Variants in STAC observed in about 807,000 individuals in gnomAD.
The protein encoded by STAC is SH3 and cysteine rich domain.
Under a neutral mutation model 48.8 loss-of-function variants are expected in STAC, and 43 were observed. The observed-to-expected ratio is 0.88, with a 90% CI of 0.69 to 1.14. The LOEUF is 1.14. Among genes scored for constraint, STAC ranks in the 50% most tolerant of loss-of-function variants. STAC has a pLI of 0.00. For missense variants in STAC, 497 were observed against 504.0 expected (o/e 0.99, Z 0.13); for synonymous variants, 193 against 179.5 (o/e 1.07, Z -0.60).
chr3:36,394,098 G>A (rs1699806183), intron 1 of STAC, among the ~76,000 whole-genome samples: 1 of 152,080 alleles, frequency 6.6e-6, no homozygotes, highest in Non-Finnish European at 1.5e-5. Flanking sequence ...CAGGAGGTGA[G>A]TACAGACACC....
Position 36,463,510 on chromosome 3 carries a change from C to CT in STAC, c.389-19471dup, listed in dbSNP as rs11288570. ...TTTTTAATTTTTTTTGGTAGTTTTT[C>CT]TTTTTTTTTTTAATTATACTTTAAG... On this transcript the variant is annotated intron_variant, in intron 2 of 10. Transcript: ENST00000273183. 5.7e-4 allele frequency among the ~76,000 whole-genome samples: 82 copies of CT among 144,796 alleles called. No homozygotes were observed. In the Middle Eastern group the frequency reaches 0.01, roughly 18 times the overall value. 95.0% of individuals were successfully genotyped at this position (144,796 alleles called of 152,430 possible).
At chr3:36,446,410 G>A (rs1696510400) in intron 2 of STAC, among the ~76,000 whole-genome samples, 1 of 152,194 alleles carries the variant, frequency 6.6e-6, no homozygotes, top group African/African-American at 2.4e-5. Flanking sequence ...CTTCTGAGCT[G>A]TCTCTTGTAC....
chr3:36,504,242 C>G, intron 6 of STAC, 151 bp from the exon 7 acceptor site: 1 of 671,954 alleles, frequency 1.5e-6, no homozygotes, highest in South Asian at 2.0e-5. Context: ...TGGAAGACCA[C>G]CTGAACGCTG....
At chr3:36,511,092 G>A (rs1698527301) in intron 8 of STAC, among the ~76,000 whole-genome samples, 3 of 151,822 alleles carry the variant, frequency 2.0e-5, no homozygotes, top group Admixed American at 2.0e-4. Context: ...GGTGAGCCTT[G>A]TGACCTTCTC....
intron 2 of STAC, among the ~76,000 whole-genome samples, chr3:36,453,387 G>A (rs988485487): frequency 6.6e-6 from 1 of 152,226 alleles, no homozygotes; most frequent in Non-Finnish European, 1.5e-5. Flanking sequence ...CGGTGCTTGC[G>A]GGCCAGCGTG....
chr3:36,521,959 T>C (rs894206057), intron 8 of STAC, among the ~76,000 whole-genome samples: 18 of 152,034 alleles, frequency 1.2e-4, no homozygotes, highest in African/African-American at 4.3e-4. Flanking sequence ...AGTGGTGTCA[T>C]GTACCTGTAG....
chr3:36,513,075 G>A (rs1156254673), intron 8 of STAC, among the ~76,000 whole-genome samples: 1 of 152,166 alleles, frequency 6.6e-6, no homozygotes, highest in Non-Finnish European at 1.5e-5. Flanking sequence ...TTAGGAGTGT[G>A]AGCTTGAAGA....
intron 2 of STAC, among the ~76,000 whole-genome samples, chr3:36,467,809 G>A (rs1697219763): frequency 6.6e-6 from 1 of 151,718 alleles, no homozygotes; most frequent in Non-Finnish European, 1.5e-5. Flanking sequence ...TTTACCTTTT[G>A]TATTGTTTTG....
At chr3:36,404,992 C>T (rs1477055436) in intron 1 of STAC, among the ~76,000 whole-genome samples, 1 of 152,114 alleles carries the variant, frequency 6.6e-6, no homozygotes, top group Non-Finnish European at 1.5e-5. Flanking sequence ...AACCACATTA[C>T]TTTTGTGCCA....
rs2125732457 is a variant in STAC at position 36,528,906 on chromosome 3, A to G, written c.1031A>G (p.Gln344Arg). The G allele has an allele frequency of 6.2e-7, 1 of 1,613,868 alleles. No individual in the cohort carries two copies. The highest frequency in any genetic ancestry group is 8.5e-7 in the Non-Finnish European group (1 of 1,179,872). Residue 344 changes from glutamine to arginine, a missense_variant, in exon 10 of 11, where the codon CAA (glutamine) becomes CGA (arginine). By Grantham distance (43) the Gln-to-Arg change is conservative. Transcript: ENST00000273183. ...FPANFVQRLQ[Q>R]NEKIFRCVRT... ...GCCAACTTTGTTCAGAGACTACAACAAAATGAGAAGATTTTTAGATGTGTT... is the reference window on the plus strand; with the variant it reads ...GCCAACTTTGTTCAGAGACTACAACGAAATGAGAAGATTTTTAGATGTGTT...
chr3:36,530,791 T>C (rs1303836981), intron 10 of STAC, among the ~76,000 whole-genome samples: 1 of 151,888 alleles, frequency 6.6e-6, no homozygotes, highest in Non-Finnish European at 1.5e-5. Context: ...ACAGTCAGGA[T>C]TTCTCCATGT....
intron 10 of STAC, among the ~76,000 whole-genome samples, chr3:36,538,708 A>C (rs938123669): frequency 1.3e-5 from 2 of 152,226 alleles, no homozygotes; most frequent in African/African-American, 2.4e-5. Context: ...TTGATAGATT[A>C]ATAATATTTC....
At chr3:36,494,093 A>G (rs1260639602) in intron 6 of STAC, among the ~76,000 whole-genome samples, 3 of 140,830 alleles carry the variant, frequency 2.1e-5, no homozygotes, top group Non-Finnish European at 4.5e-5. Flanking sequence ...CGGAGCTTGC[A>G]GTGAGCCGAG....
At chr3:36,449,808 C>T (rs541760042) in intron 2 of STAC, among the ~76,000 whole-genome samples, 2 of 152,126 alleles carry the variant, frequency 1.3e-5, no homozygotes, top group African/African-American at 4.8e-5. Context: ...TGGAGCATTG[C>T]GTGTCATCTT....
chr3:36,512,603 C>A (rs1444869948), intron 8 of STAC, among the ~76,000 whole-genome samples: 1 of 152,006 alleles, frequency 6.6e-6, no homozygotes, highest in Non-Finnish European at 1.5e-5. Context: ...GTCTAGCTGC[C>A]TGGTGGTGGT....
chr3:36,395,111 A>G (rs930806109), intron 1 of STAC, among the ~76,000 whole-genome samples: 1 of 152,072 alleles, frequency 6.6e-6, no homozygotes, highest in African/African-American at 2.4e-5. Context: ...GTAACCTTCA[A>G]AAAGATTGGA....
intron 8 of STAC, among the ~76,000 whole-genome samples, chr3:36,510,773 CAG>C (rs1698517902): frequency 6.6e-6 from 1 of 151,882 alleles, no homozygotes; most frequent in Non-Finnish European, 1.5e-5. Context: ...CACATGGACA[CAG>C]GGAGGGTAAC....
chr3:36,509,643 C>A (rs1039059605), intron 8 of STAC, among the ~76,000 whole-genome samples: 1 of 151,728 alleles, frequency 6.6e-6, no homozygotes, highest in African/African-American at 2.4e-5. Flanking sequence ...CACTTTATTT[C>A]ATTAAGTTGA....
chr3:36,463,695 C>T (rs1387452352), intron 2 of STAC, among the ~76,000 whole-genome samples: 45 of 117,650 alleles, frequency 3.8e-4, no homozygotes, highest in African/African-American at 1.4e-3. Context: ...CCCCAGTGTG[C>T]GATGTTCCCC....
Sources: gnomAD v4.1 joint callset for allele counts (sites outside exome capture counted in the v4.1 genomes callset) on GRCh38, gnomAD v4.1.1 for gene constraint, MANE v1.5 for transcripts, NCBI Gene and HGNC (gene_info 2026-07-23, HGNC 2026-07-21) for gene names.